ZNF93: variants seen among roughly 807,000 people sequenced by gnomAD.
The protein encoded by ZNF93 is zinc finger protein 505.
In ZNF93, 29 loss-of-function variants were observed where a neutral mutation model predicts 45.0. The observed-to-expected ratio is 0.64, with a 90% CI of 0.48 to 0.88. ZNF93 has a LOEUF of 0.88. ZNF93 is among the 40% of genes least tolerant of loss of function. ZNF93 has a pLI of 0.00. For missense variants in ZNF93, 578 were observed against 724.0 expected, an observed-to-expected ratio of 0.80 and a Z score of 2.31; for synonymous variants, 223 against 244.6, an observed-to-expected ratio of 0.91 and a Z score of 0.82.
At chr19:19,922,022 C>T (rs1212779210) in intron 3 of ZNF93, among the ~76,000 whole-genome samples, 1 of 152,166 alleles carries the variant, frequency 6.6e-6, no homozygotes, top group East Asian at 1.9e-4. Context: ...TTCGTTGATG[C>T]AGTTTCTTCT....
chr19:19,929,807 G>A (rs923392062), intron 3 of ZNF93, among the ~76,000 whole-genome samples: 2 of 150,566 alleles, frequency 1.3e-5, no homozygotes, highest in Non-Finnish European at 1.5e-5. Context: ...GCGTAGTGGC[G>A]GGCGCCTGTA....
chr19:19,925,343 T>C (rs879688388), intron 3 of ZNF93, among the ~76,000 whole-genome samples: 2 of 152,188 alleles, frequency 1.3e-5, no homozygotes, highest in Non-Finnish European at 1.5e-5. Context: ...AATCCTGACC[T>C]GAAGCAGTTC....
chr19:19,933,846 C>G lies in ZNF93; in HGVS notation c.891C>G (p.Ser297=). ...AATGTGGCAAAGCTTTTAACCAATC[C>G]TCAACACTTACTAAACATAAGAAAA... ...CEECGKAFNQ[S]STLTKHKKIH... Residue 297 remains serine (S), a synonymous_variant, in exon 4 of 4, where the codon TCC becomes TCG. Transcript: ENST00000343769. The G allele has an allele frequency of 6.2e-7, 1 of 1,613,180 alleles. No homozygotes were observed. Among genetic ancestry groups the G allele is most frequent in the Middle Eastern group, 1.7e-4 (1 of 6,058 alleles).
rs1191337132 is a variant in ZNF93, at chr19:19,933,864, T to C, written c.909T>C (p.His303=). ...ACCAATCCTCAACACTTACTAAACA[T>C]AAGAAAATTCATACTGGAGAGAAGC... ...AFNQSSTLTK[H]KKIHTGEKPY... is the part of the protein sequence containing the mutation. Residue 303 remains histidine, a synonymous_variant, in exon 4 of 4, where the codon CAT becomes CAC. Transcript: ENST00000343769. 2.5e-6 allele frequency: 4 copies of C among 1,612,864 alleles called. No homozygotes were observed. The highest frequency in any genetic ancestry group is 1.3e-5 in the African/African-American group (1 of 74,604).
At chr19:19,915,019 G>A (rs1191832027) in intron 1 of ZNF93, among the ~76,000 whole-genome samples, 1 of 152,086 alleles carries the variant, frequency 6.6e-6, no homozygotes, top group Non-Finnish European at 1.5e-5. Flanking sequence ...AAATGTACAT[G>A]TTCATGTTCA....
rs1017396646 is a variant in ZNF93, at chr19:19,914,911, A to G, written c.4-369A>G. 4.3e-5 allele frequency: 14 copies of G among 322,890 alleles called. No individual in the cohort carries two copies. The East Asian group carries it at 1.3e-3, about 29-fold the overall frequency. The allele number at this position is 322,890 out of a possible 1,614,324, so 20.0% of individuals were successfully genotyped here. On this transcript the variant is annotated intron_variant, in intron 1 of 3. Transcript: ENST00000343769. ...CATAACAAGGTCTTCAGCTTATTGT[A>G]CATATTAAAATTTGAGAGGTGACTT... is the stretch of plus-strand genomic sequence containing the variant.
intron 1 of ZNF93, among the ~76,000 whole-genome samples, chr19:19,910,101 T>C (rs928834545): frequency 3.3e-5 from 5 of 152,288 alleles, no homozygotes; most frequent in African/African-American, 1.2e-4. Context: ...GAATCTCCAC[T>C]TTCCCCTTCC....
chr19:19,900,959 G>C lies in ZNF93; in HGVS notation c.-130G>C. On this transcript the variant is annotated 5_prime_UTR_variant, in exon 1 of 4. Transcript: ENST00000343769. ...GGCGGGTCCTTTGTCTCTCGGTGCA[G>C]CCGGAGCTCCAGGTCTCCTCTTCAC... The C allele has an allele frequency of 6.8e-7, 1 of 1,476,714 alleles. No homozygotes were observed. Among genetic ancestry groups the C allele is most frequent in the Middle Eastern group, 1.8e-4 (1 of 5,650 alleles). 91.5% of individuals were successfully genotyped at this position (1,476,714 alleles called of 1,614,324 possible). A position where few individuals can be genotyped will look rare whatever the true frequency, so the allele number is the denominator to read the frequency against.
chr19:19,925,658 G>A (rs966167771), intron 3 of ZNF93, among the ~76,000 whole-genome samples: 3 of 152,154 alleles, frequency 2.0e-5, no homozygotes, highest in African/African-American at 7.2e-5. Context: ...TACGAAAATA[G>A]TTACTTGTAA....
chr19:19,923,351 TG>T (rs1650590541), intron 3 of ZNF93, among the ~76,000 whole-genome samples: 1 of 152,218 alleles, frequency 6.6e-6, no homozygotes, highest in Admixed American at 6.5e-5. Flanking sequence ...TGCTCCTACT[TG>T]GGGGTGCCTT....
chr19:19,911,893 T>C (rs1453609871), intron 1 of ZNF93, among the ~76,000 whole-genome samples: 2 of 151,904 alleles, frequency 1.3e-5, no homozygotes, highest in Non-Finnish European at 1.5e-5. Flanking sequence ...GGGATTACAG[T>C]TGCCTGCCAC....
rs1213605241 is a variant in ZNF93 at position 19,934,495 on chromosome 19, T to C, written c.1540T>C (p.Cys514Arg). 6.2e-7 allele frequency: 1 copy of C among 1,613,214 alleles called. No individual in the cohort carries two copies. Among genetic ancestry groups the C allele is most frequent in the African/African-American group, 1.3e-5 (1 of 74,920 alleles). The part of the protein sequence containing the change: ...TGEKPYKCEE[C>R]GKAFNQSSTL... ...AGAGAAACCCTACAAATGTGAAGAATGTGGCAAAGCTTTTAACCAGTCCTC... is the reference window on the plus strand; with the variant it reads ...AGAGAAACCCTACAAATGTGAAGAACGTGGCAAAGCTTTTAACCAGTCCTC... The change falls in exon 4 of 4, where the codon TGT becomes CGT. Residue 514 changes from cysteine to arginine, a missense_variant. Cys to Arg is a radical substitution (Grantham distance 180). This residue lies in a region of ZNF93 where 13 missense variants were observed against 53.3 expected (regional missense o/e 0.24). Transcript: ENST00000343769.
intron 3 of ZNF93, among the ~76,000 whole-genome samples, chr19:19,921,463 T>C (rs1462594421): frequency 6.6e-6 from 1 of 152,188 alleles, no homozygotes; most frequent in African/African-American, 2.4e-5. Flanking sequence ...TAGGTCTGCT[T>C]GGTGCAGAGC....
chr19:19,906,290 G>T (rs1222658523), intron 1 of ZNF93, among the ~76,000 whole-genome samples: 1 of 148,894 alleles, frequency 6.7e-6, no homozygotes, highest in African/African-American at 2.6e-5. Flanking sequence ...GATTAGTGAT[G>T]AACTTTTTTT....
At position 19,933,410 on chromosome 19, in the gene ZNF93, A is replaced by T; in HGVS notation, c.455A>T (p.Lys152Ile). 1 of 1,597,046 alleles carries T rather than the reference A, an allele frequency of 6.3e-7. No individual in the cohort carries two copies. The highest frequency in any genetic ancestry group is 1.1e-5 in the South Asian group (1 of 87,986). The change falls in exon 4 of 4, where the codon AAA becomes ATA. Residue 152 changes from lysine to isoleucine, a missense_variant. Lys to Ile is a moderately radical substitution (Grantham distance 102). Coordinates refer to ENST00000343769, the MANE Select transcript of ZNF93 (RefSeq NM_031218.4). Reference sequence around the variant, plus strand: ...GTATTTCAATGTGATAAATATGGGAAAGTCTTTCATAAATTTTCAAATTCA... The same window carrying T: ...GTATTTCAATGTGATAAATATGGGATAGTCTTTCATAAATTTTCAAATTCA... ...SKVFQCDKYG[K>I]VFHKFSNSNR... is the part of the protein sequence containing the mutation.
Position 19,934,933 on chromosome 19 carries a change from G to C in ZNF93, c.*115G>C. ...CTCCTCCCAGGCACAGTCTGGCAGA[G>C]GTCCTGCCATTTCGGAGACCTGGAG... On this transcript the variant is annotated 3_prime_UTR_variant, in exon 4 of 4. Coordinates refer to ENST00000343769, the MANE Select transcript of ZNF93 (RefSeq NM_031218.4). 1 of 1,189,470 alleles carries C rather than the reference G, an allele frequency of 8.4e-7. No individual in the cohort carries two copies. Among genetic ancestry groups the C allele is most frequent in the Non-Finnish European group, 1.2e-6 (1 of 862,628 alleles). The allele number at this position is 1,189,470 out of a possible 1,614,324, so 73.7% of individuals were successfully genotyped here.
intron 1 of ZNF93, among the ~76,000 whole-genome samples, chr19:19,914,561 GCTCT>G (rs1001280961): frequency 6.6e-6 from 1 of 152,140 alleles, no homozygotes; most frequent in Non-Finnish European, 1.5e-5. Context: ...TGGTGAAGTA[GCTCT>G]CTCTCACAGA....
intron 3 of ZNF93, chr19:19,927,044 A>G (rs752677377): frequency 2.5e-6 from 1 of 397,998 alleles, no homozygotes; most frequent in African/African-American, 2.1e-5. Flanking sequence ...TTTTCTTTAA[A>G]AACATTGTTT....
chr19:19,923,992 C>T (rs1356581699), intron 3 of ZNF93, among the ~76,000 whole-genome samples: 1 of 152,194 alleles, frequency 6.6e-6, no homozygotes, highest in Non-Finnish European at 1.5e-5. Flanking sequence ...CAGAAATCAT[C>T]CGTCTTCTGT....
Sources: gnomAD v4.1 joint callset for allele counts (sites outside exome capture counted in the v4.1 genomes callset) on GRCh38, gnomAD v4.1.1 for gene constraint, gnomAD v4.1.1 regional missense constraint, MANE v1.5 for transcripts, NCBI Gene and HGNC (gene_info 2026-07-23, HGNC 2026-07-21) for gene names.